CNTN5: variants seen among roughly 807,000 people sequenced by gnomAD.
CNTN5 encodes contactin 5, also known as contactin-5.
Under a neutral mutation model 129.1 loss-of-function variants are expected in CNTN5, and 77 were observed. That is an observed-to-expected ratio of 0.60 (90% CI 0.50 to 0.72). The LOEUF (loss-of-function observed/expected upper bound fraction) is 0.72. Among genes scored for constraint, CNTN5 ranks in the 30% least tolerant of loss-of-function variants. The probability of loss-of-function intolerance (pLI) is 0.00; values close to 1 mark genes in which losing one functional copy is unlikely to be tolerated. For missense variants in CNTN5, 1,478 were observed against 1,328.8 expected (o/e 1.11, Z -1.75); for synonymous variants, 509 against 465.6 (o/e 1.09, Z -1.20).
chr11:100,269,070 C>G (rs1950359529), intron 17 of CNTN5, among the ~76,000 whole-genome samples: 1 of 152,100 alleles, frequency 6.6e-6, no homozygotes, highest in South Asian at 2.1e-4. Context: ...GAGCCATTTG[C>G]ATCAGGAAGA....
chr11:100,123,688 G>A (rs1043728467), intron 13 of CNTN5, among the ~76,000 whole-genome samples: 1 of 151,830 alleles, frequency 6.6e-6, no homozygotes, highest in Non-Finnish European at 1.5e-5. Flanking sequence ...ATATTGGGTG[G>A]AAAAAGATAT....
intron 13 of CNTN5, among the ~76,000 whole-genome samples, chr11:100,090,535 C>CTTCCTTCCTTCCTTCT (rs1555004361): frequency 0.013 from 1,060 of 82,784 alleles, 11 homozygotes; most frequent in African/African-American, 0.032. Context: ...CCCTTCCTTC[C>CTTCCTTCCTTCCTTCT]TTCCTTCCTT....
intron 3 of CNTN5, among the ~76,000 whole-genome samples, chr11:99,759,448 T>C (rs1483627371): frequency 6.6e-6 from 1 of 151,958 alleles, no homozygotes; most frequent in Non-Finnish European, 1.5e-5. Context: ...GCAATGAAAT[T>C]ATGAAGGCAC....
chr11:99,723,298 G>C (rs1044977794), intron 3 of CNTN5, among the ~76,000 whole-genome samples: 57 of 152,138 alleles, frequency 3.7e-4, no homozygotes, highest in African/African-American at 1.3e-3. Context: ...TACATGGCTG[G>C]AGAAAAAAAT....
chr11:99,444,675 G>T (rs1282055390), intron 2 of CNTN5, among the ~76,000 whole-genome samples: 4 of 151,950 alleles, frequency 2.6e-5, no homozygotes, highest in Non-Finnish European at 4.4e-5. Context: ...TACTTCAAAA[G>T]TTTGAGTGTA....
intron 3 of CNTN5, among the ~76,000 whole-genome samples, chr11:99,645,121 G>T (rs1298875762): frequency 8.3e-6 from 1 of 120,784 alleles, no homozygotes; most frequent in Non-Finnish European, 1.9e-5. Flanking sequence ...AAAGCCAGGC[G>T]TGATGCTGGG....
At chr11:100,096,807 C>A (rs1038980481) in intron 13 of CNTN5, among the ~76,000 whole-genome samples, 1 of 152,020 alleles carries the variant, frequency 6.6e-6, no homozygotes, top group South Asian at 2.1e-4. Context: ...GTGACTCTCC[C>A]GACCACATGG....
At chr11:99,677,817 AC>A (rs1218171194) in intron 3 of CNTN5, among the ~76,000 whole-genome samples, 3 of 152,028 alleles carry the variant, frequency 2.0e-5, no homozygotes, top group Admixed American at 6.6e-5. Flanking sequence ...GTGTCTGTTG[AC>A]TTTTTTCAAA....
intron 13 of CNTN5, among the ~76,000 whole-genome samples, chr11:100,161,127 AT>A (rs1295891132): frequency 1.2e-4 from 18 of 151,728 alleles, no homozygotes; most frequent in Non-Finnish European, 2.2e-4. Context: ...TATCCCATTC[AT>A]TTTTTTTAAT....
At chr11:99,774,895 A>G (rs1452059105) in intron 3 of CNTN5, among the ~76,000 whole-genome samples, 1 of 152,008 alleles carries the variant, frequency 6.6e-6, no homozygotes, top group East Asian at 1.9e-4. Context: ...AAAACCAGTA[A>G]CCCAAGTATC....
At chr11:100,069,418 T>C (rs1311437264) in intron 10 of CNTN5, among the ~76,000 whole-genome samples, 2 of 152,080 alleles carry the variant, frequency 1.3e-5, no homozygotes, top group Non-Finnish European at 2.9e-5. Context: ...GCCTCTCAAA[T>C]TCCTGATATG....
At chr11:99,202,937 C>G (rs1551781) in intron 1 of CNTN5, among the ~76,000 whole-genome samples, 96,056 of 149,764 alleles carry the variant, frequency 0.64, 31,072 homozygotes, top group East Asian at 0.95. Context: ...AAAAGAGAGA[C>G]AATAAGTGAG....
intron 3 of CNTN5, among the ~76,000 whole-genome samples, chr11:99,729,500 C>T (rs941417560): frequency 6.6e-6 from 1 of 152,084 alleles, no homozygotes; most frequent in Admixed American, 6.6e-5. Context: ...TTCTTTGTAA[C>T]ACATTATTTT....
At chr11:99,811,893 T>C (rs1946439486) in intron 3 of CNTN5, among the ~76,000 whole-genome samples, 1 of 152,154 alleles carries the variant, frequency 6.6e-6, no homozygotes, top group Non-Finnish European at 1.5e-5. Flanking sequence ...TAGATTTAGC[T>C]GACATCTTCA....
At chr11:99,515,706 T>G (rs757344421) in intron 2 of CNTN5, among the ~76,000 whole-genome samples, 4 of 152,020 alleles carry the variant, frequency 2.6e-5, no homozygotes, top group Non-Finnish European at 5.9e-5. Context: ...AGATCAGCAT[T>G]AAACCATAAA....
At chr11:99,839,468 A>G (rs1328255523) in intron 4 of CNTN5, among the ~76,000 whole-genome samples, 1 of 152,024 alleles carries the variant, frequency 6.6e-6, no homozygotes, top group African/African-American at 2.4e-5. Flanking sequence ...ATTGAAGTTG[A>G]GGCAGAGGGA....
chr11:99,850,676 T>A (rs1591308964), intron 6 of CNTN5, among the ~76,000 whole-genome samples: 1 of 152,058 alleles, frequency 6.6e-6, no homozygotes, highest in Non-Finnish European at 1.5e-5. Flanking sequence ...AAAGTAAATA[T>A]AGTCCTAGGA....
intron 1 of CNTN5, among the ~76,000 whole-genome samples, chr11:99,071,783 C>T (rs1865351529): frequency 6.6e-6 from 1 of 152,050 alleles, no homozygotes; most frequent in Non-Finnish European, 1.5e-5. Flanking sequence ...AGTTTGTTGT[C>T]ATTGTCTTAA....
intron 10 of CNTN5, among the ~76,000 whole-genome samples, chr11:100,063,392 A>AT (rs1339140480): frequency 1.3e-5 from 2 of 151,990 alleles, no homozygotes; most frequent in African/African-American, 4.8e-5. Context: ...AAAAAAAAAA[A>AT]ATCTAGATTG....
Sources: gnomAD v4.1 joint callset for allele counts (sites outside exome capture counted in the v4.1 genomes callset) on GRCh38, gnomAD v4.1.1 for gene constraint, MANE v1.5 for transcripts, NCBI Gene and HGNC (gene_info 2026-07-23, HGNC 2026-07-21) for gene names.